PRMT7: variants seen among roughly 807,000 people sequenced by gnomAD.
PRMT7 encodes the protein protein arginine methyltransferase 7.
PRMT7 carries 75 observed loss-of-function variants against 85.4 expected under a neutral mutation model. The observed-to-expected ratio is 0.88, with a 90% CI of 0.73 to 1.06. The LOEUF (loss-of-function observed/expected upper bound fraction) is 1.06. PRMT7 is among the 50% of genes least tolerant of loss of function. PRMT7 has a pLI of 0.00. For synonymous variants in PRMT7, 397 were observed against 359.5 expected (o/e 1.10, Z -1.18); for missense variants, 868 against 915.2 (o/e 0.95, Z 0.67).
chr16:68,355,668 CT>C, intron 16 of PRMT7, 54 bp from the exon 17 acceptor site: 1 of 1,445,050 alleles, frequency 6.9e-7, no homozygotes. Flanking sequence ...GGAGCGGTAC[CT>C]CTGTCTAGCT....
downstream of PRMT7, chr16:68,359,770 G>GAAACAGACAAAA (rs1491522660): frequency 1.3e-5 from 2 of 152,596 alleles, no homozygotes; most frequent in Non-Finnish European, 2.9e-5. Context: ...CTCGAACTTT[G>GAAACAGACAAAA]AAACAGACAA....
intron 13 of PRMT7, 134 bp from the exon 14 acceptor site, chr16:68,348,208 G>A: frequency 2.8e-6 from 2 of 727,166 alleles, no homozygotes; most frequent in South Asian, 3.6e-5. Flanking sequence ...TTTCCACAAA[G>A]CAGATAAAAG....
chr16:68,347,382 G>T, intron 12 of PRMT7, 88 bp downstream of exon 12: 1 of 1,361,950 alleles, frequency 7.3e-7, no homozygotes, highest in Non-Finnish European at 9.9e-7. Context: ...TGTGATCAAG[G>T]CTCTTTGCAA....
At chr16:68,321,519 CAAG>C (rs2094132239) in intron 4 of PRMT7, 57 bp downstream of exon 4, 3 of 1,502,338 alleles carry the variant, frequency 2.0e-6, no homozygotes, top group Admixed American at 3.5e-5. Flanking sequence ...TCTTGGATTA[CAAG>C]AAGGTTAAGA....
At position 68,357,286 on chromosome 16, in the gene PRMT7, C is replaced by G. The variant is rs7192234; in HGVS notation, c.*62C>G. 0.73 allele frequency: 1,095,671 copies of G among 1,511,052 alleles called. 400,561 individuals are homozygous for G. Among genetic ancestry groups the G allele is most frequent in the African/African-American group, 0.95 (68,289 of 72,120 alleles). The allele number at this position is 1,511,052 out of a possible 1,614,324, so 93.6% of individuals were successfully genotyped here. A position where few individuals can be genotyped will look rare whatever the true frequency, so the allele number is the denominator to read the frequency against. On this transcript the variant is annotated 3_prime_UTR_variant, in exon 19 of 19. Transcript: ENST00000441236. The stretch of plus-strand genomic sequence containing the variant: ...TTCTGAGTGGCTCATGGCTTTCTAG[C>G]GGGGAAGGCTGAAGGCCCTCCTCTC...
At chr16:68,340,407 C>T (rs2085329301) in intron 9 of PRMT7, among the ~76,000 whole-genome samples, 1 of 152,030 alleles carries the variant, frequency 6.6e-6, no homozygotes, top group Non-Finnish European at 1.5e-5. Context: ...GGATAGTTGC[C>T]CACTGTCCCT....
At chr16:68,316,132 A>G (rs1213511732) in intron 3 of PRMT7, 58 bp downstream of exon 3, 2 of 1,437,404 alleles carry the variant, frequency 1.4e-6, no homozygotes, top group Non-Finnish European at 9.8e-7. Flanking sequence ...CTCAAAGCAG[A>G]TGCCTTGGGC....
At position 68,357,265 on chromosome 16, in the gene PRMT7, G is replaced by C; in HGVS notation, c.*41G>C. On this transcript the variant is annotated 3_prime_UTR_variant, in exon 19 of 19. Transcript: ENST00000441236. ...AAAGTGGCCTGAGGGCTGGGGTTCT[G>C]AGTGGCTCATGGCTTTCTAGCGGGG... The C allele has an allele frequency of 6.4e-7, 1 of 1,570,450 alleles. No homozygotes were observed. The highest frequency in any genetic ancestry group is 1.2e-5 in the South Asian group (1 of 84,294).
chr16:68,333,370 A>G (rs2084186817), intron 6 of PRMT7, among the ~76,000 whole-genome samples: 1 of 151,894 alleles, frequency 6.6e-6, no homozygotes, highest in Non-Finnish European at 1.5e-5. Flanking sequence ...AATCCCAGCT[A>G]CTGAGGAGAT....
chr16:68,347,432 T>C (rs2086586486), intron 12 of PRMT7, 138 bp downstream of exon 12: 4 of 1,072,282 alleles, frequency 3.7e-6, no homozygotes, highest in Non-Finnish European at 5.3e-6. Flanking sequence ...GGTCAGGGGC[T>C]GGGGGGTTTA....
chr16:68,318,924 G>C (rs1334211755), intron 3 of PRMT7: 1 of 152,290 alleles, frequency 6.6e-6, no homozygotes, highest in East Asian at 1.9e-4. Context: ...GTGGAGAGGA[G>C]AGCATTTGGG....
In PRMT7 at chr16:68,339,845, A is replaced by C; in HGVS notation, c.804A>C (p.Glu268Asp). Residue 268 changes from glutamate to aspartate, a missense_variant, in exon 9 of 19, where the codon GAA becomes GAC. Glu to Asp is a conservative substitution (Grantham distance 45, BLOSUM62 2). Coordinates refer to ENST00000441236, the MANE Select transcript of PRMT7 (RefSeq NM_019023.5). ...SSAACHSRRF[E>D]PLTSGRAQVV... ...CAGCCTGCCATAGCAGGCGGTTTGA[A>C]CCTCTGACATCTGGCCGAGCTCAGG... 6.2e-7 allele frequency: 1 copy of C among 1,614,188 alleles called. No homozygotes were observed. The highest frequency in any genetic ancestry group is 8.5e-7 in the Non-Finnish European group (1 of 1,180,004).
At chr16:68,313,299 A>C (rs1183416995) in intron 2 of PRMT7, among the ~76,000 whole-genome samples, 2 of 152,208 alleles carry the variant, frequency 1.3e-5, no homozygotes, top group East Asian at 3.8e-4. Flanking sequence ...TGACACAGGC[A>C]CATGAACACC....
At chr16:68,324,866 C>T in intron 5 of PRMT7, 34 bp downstream of exon 5, 1 of 1,610,818 alleles carries the variant, frequency 6.2e-7, no homozygotes, top group Non-Finnish European at 8.5e-7. Flanking sequence ...TGTCCTGCAT[C>T]TTGCATGGGA....
At chr16:68,328,711 A>G (rs2083439269) in intron 5 of PRMT7, among the ~76,000 whole-genome samples, 1 of 152,028 alleles carries the variant, frequency 6.6e-6, no homozygotes, top group African/African-American at 2.4e-5. Context: ...ACTCACACCT[A>G]CAGTCTGCTC....
At chr16:68,351,147 C>T (rs776805149) in intron 14 of PRMT7, among the ~76,000 whole-genome samples, 7 of 152,176 alleles carry the variant, frequency 4.6e-5, no homozygotes, top group Non-Finnish European at 8.8e-5. Context: ...TGGGAGCGGG[C>T]GTTCTTGCCA....
intron 14 of PRMT7, among the ~76,000 whole-genome samples, chr16:68,348,673 C>T (rs138335000): frequency 1.3e-3 from 178 of 133,644 alleles, no homozygotes; most frequent in Non-Finnish European, 2.0e-3. Flanking sequence ...AATGGGGTCT[C>T]GCGCTGTCGT....
rs375791731 is a variant in PRMT7 at position 68,316,014 on chromosome 16, C to T, written c.35C>T (p.Thr12Met). 2.4e-4 allele frequency: 385 copies of T among 1,613,616 alleles called. No individual in the cohort carries two copies. The highest frequency in any genetic ancestry group is 3.2e-4 in the Non-Finnish European group (374 of 1,179,960). ...TTCTGCAGTCGGGCCAATCCGACCA[C>T]GGGGTCTGTGGAGTGGCTGGAGGAG... ...KIFCSRANPT[T>M]GSVEWLEEDE... is the part of the protein sequence containing the mutation. Residue 12 changes from threonine (T) to methionine (M), a missense_variant, in exon 3 of 19, where the codon ACG (threonine) becomes ATG (methionine). Physicochemically the swap from Thr to Met is moderately conservative, Grantham distance 81 (BLOSUM62 -1). Transcript: ENST00000441236.
At chr16:68,346,063 A>T (rs2086310614) in intron 10 of PRMT7, 82 bp from the exon 11 acceptor site, 3 of 1,588,412 alleles carry the variant, frequency 1.9e-6, no homozygotes, top group Non-Finnish European at 2.6e-6. Flanking sequence ...TGCCTACTGG[A>T]GACCAGTGTC....
Sources: gnomAD v4.1 joint callset for allele counts (sites outside exome capture counted in the v4.1 genomes callset) on GRCh38, gnomAD v4.1.1 for gene constraint, MANE v1.5 for transcripts, NCBI Gene and HGNC (gene_info 2026-07-23, HGNC 2026-07-21) for gene names.